The following DBH variants were observed in gnomAD, a reference collection of about 807,000 sequenced individuals.
The protein encoded by DBH is dopamine beta-hydroxylase (dopamine beta-monooxygenase).
DBH carries 49 observed loss-of-function variants against 64.0 expected under a neutral mutation model. The observed-to-expected ratio is 0.77, with a 90% CI of 0.61 to 0.97. The LOEUF (loss-of-function observed/expected upper bound fraction) is 0.97. Among genes scored for constraint, DBH ranks in the 50% least tolerant of loss-of-function variants. The pLI is 0.00. For synonymous variants in DBH, 343 were observed against 347.1 expected (o/e 0.99, Z 0.13); for missense variants, 828 against 826.6 (o/e 1.00, Z -0.02).
At chr9:133,641,450 G>T (rs1227676166) in intron 2 of DBH, among the ~76,000 whole-genome samples, 1 of 152,236 alleles carries the variant, frequency 6.6e-6, no homozygotes, top group Non-Finnish European at 1.5e-5. Flanking sequence ...AGGTATAGGG[G>T]CCTTTGCCTG....
At chr9:133,656,674 C>T in intron 10 of DBH, 24 bp downstream of exon 10, 1 of 1,609,858 alleles carries the variant, frequency 6.2e-7, no homozygotes, top group Non-Finnish European at 8.5e-7. Context: ...GCACAAGCTC[C>T]CTGCCCCCAG....
At chr9:133,658,231 AAGAGGTGGCTG>A in intron 11 of DBH, 74 bp from the exon 12 acceptor site, 1 of 1,566,124 alleles carries the variant, frequency 6.4e-7, no homozygotes, top group Non-Finnish European at 8.8e-7. Flanking sequence ...GCAAGAATCC[AAGAGGTGGCTG>A]GGAAGTGGCT....
chr9:133,658,159 A>G (rs916105522), intron 11 of DBH, among the ~76,000 whole-genome samples, 157 bp from the exon 12 acceptor site: 3 of 151,968 alleles, frequency 2.0e-5, no homozygotes, highest in Admixed American at 1.3e-4. Context: ...TGAGGTGAGG[A>G]CCCCCAAAAA....
At chr9:133,657,402 G>C (rs969181735) in intron 11 of DBH, 173 bp downstream of exon 11, 1 of 528,710 alleles carries the variant, frequency 1.9e-6, no homozygotes, top group Non-Finnish European at 3.3e-6. Context: ...AGCCAGCAGA[G>C]AGAGAGGAGA....
At chr9:133,652,374 CAG>C in intron 8 of DBH, 90 bp downstream of exon 8, 2 of 1,493,286 alleles carry the variant, frequency 1.3e-6, no homozygotes, top group Non-Finnish European at 1.8e-6. Flanking sequence ...GAGAGGGACA[CAG>C]AAAGTGATAG....
At chr9:133,644,527 C>T (rs1832159321) in intron 5 of DBH, among the ~76,000 whole-genome samples, 1 of 152,262 alleles carries the variant, frequency 6.6e-6, no homozygotes, top group African/African-American at 2.4e-5. Context: ...GGGCTCACTC[C>T]TCACAGCTTC....
chr9:133,650,145 C>A (rs1832226668), intron 6 of DBH, among the ~76,000 whole-genome samples: 1 of 152,154 alleles, frequency 6.6e-6, no homozygotes, highest in Non-Finnish European at 1.5e-5. Flanking sequence ...CCTTTGGGCT[C>A]CCAGGCCTGG....
chr9:133,657,500 GA>G (rs1832349545), intron 11 of DBH, among the ~76,000 whole-genome samples: 1 of 145,364 alleles, frequency 6.9e-6, no homozygotes, highest in African/African-American at 2.6e-5. Flanking sequence ...AGAGAGAGGA[GA>G]GAGAGAGAGA....
intron 9 of DBH, chr9:133,654,679 C>T (rs1205853012): frequency 6.6e-6 from 1 of 152,290 alleles, no homozygotes; most frequent in African/African-American, 2.4e-5. Context: ...CAGCACTGCT[C>T]TAATAACTCA....
chr9:133,636,404 C>G lies in DBH; in HGVS notation c.33C>G (p.Pro11=), dbSNP rs780246471. MPALSRWASL[P]GPSMREAAFM... ...CCCTCAGTCGCTGGGCCAGCCTGCC[C>G]GGCCCCAGCATGCGGGAGGCAGCCT... is the stretch of plus-strand genomic sequence containing the variant. Residue 11 remains proline (P), a synonymous_variant, in exon 1 of 12, where the codon CCC becomes CCG. Coordinates refer to ENST00000393056, the MANE Select transcript of DBH (RefSeq NM_000787.4). The G allele has an allele frequency of 6.2e-7, 1 of 1,611,598 alleles. No homozygotes were observed.
chr9:133,656,257 C>T (rs1299852767), intron 9 of DBH: 1 of 461,476 alleles, frequency 2.2e-6, no homozygotes, highest in South Asian at 2.1e-5. Flanking sequence ...CAATAACACC[C>T]CATCCGCTTG....
intron 6 of DBH, among the ~76,000 whole-genome samples, chr9:133,651,222 C>CT: frequency 6.6e-6 from 1 of 152,264 alleles, no homozygotes; most frequent in Non-Finnish European, 1.5e-5. Context: ...CTGCCACTTG[C>CT]TTTTCCCTGG....
At position 133,658,387 on chromosome 9, in the gene DBH, C is replaced by G. The variant is rs1481290140; in HGVS notation, c.1794C>G (p.Thr598=). 8.7e-6 allele frequency: 14 copies of G among 1,613,740 alleles called. No individual in the cohort carries two copies. Among genetic ancestry groups the G allele is most frequent in the Non-Finnish European group, 1.2e-5 (14 of 1,179,892 alleles). The change falls in exon 12 of 12, where the codon ACC becomes ACG. Residue 598 remains threonine, a synonymous_variant. Coordinates refer to ENST00000393056, the MANE Select transcript of DBH (RefSeq NM_000787.4). ...TLEEPTPQCP[T]SQGRSPAGPT... is the part of the protein sequence containing the mutation. The stretch of plus-strand genomic sequence containing the variant: ...AAGAGCCCACCCCACAGTGCCCCAC[C>G]AGCCAGGGCCGAAGCCCTGCTGGCC...
intron 2 of DBH, among the ~76,000 whole-genome samples, chr9:133,640,407 AC>A (rs1832104447): frequency 6.6e-6 from 1 of 150,632 alleles, no homozygotes; most frequent in Non-Finnish European, 1.5e-5. Context: ...GAGGCTCGGG[AC>A]AACTGCCCCC....
At chr9:133,638,662 G>T (rs1174968711) in intron 1 of DBH, among the ~76,000 whole-genome samples, 3 of 152,182 alleles carry the variant, frequency 2.0e-5, no homozygotes, top group Non-Finnish European at 4.4e-5. Context: ...GGCTTGGTGT[G>T]GGTCGGAATG....
Position 133,643,539 on chromosome 9 carries a change from C to A in DBH, c.871C>A (p.Arg291Ser), listed in dbSNP as rs140231674. 5 of 1,613,692 alleles carry A rather than the reference C, an allele frequency of 3.1e-6. No individual in the cohort carries two copies. The highest frequency in any genetic ancestry group is 4.2e-6 in the Non-Finnish European group (5 of 1,179,962). ...CTGCGACTCCAAGATGAAACCCGAC[C>A]GCCTCAACTACTGCCGCCACGTGCT... ...GPCDSKMKPD[R>S]LNYCRHVLAA... is the part of the protein sequence containing the mutation. The change falls in exon 4 of 12, where the codon CGC becomes AGC. Residue 291 changes from arginine (R) to serine (S), a missense_variant. Transcript: ENST00000393056. The surrounding 1 kb of genome is among the most constrained non-coding windows in gnomAD (Gnocchi z 5.3).
At position 133,650,486 on chromosome 9, in the gene DBH, CTTTCT is replaced by C. The variant is rs1189703275; in HGVS notation, c.1192-1140_1192-1136del. Among the ~76,000 whole-genome samples, 76 of 143,110 alleles carry C rather than the reference CTTTCT, an allele frequency of 5.3e-4. 1 individual carries two copies. The highest frequency in any genetic ancestry group is 1.8e-3 in the African/African-American group (65 of 36,980). 93.9% of individuals were successfully genotyped at this position (143,110 alleles called of 152,430 possible). ...TTTCTTTTTCTTTCTTTTTCTTTTT[CTTTCT>C]TTTCTTTCCTTTCTTTCTTTCCTTC... On this transcript the variant is annotated intron_variant, in intron 6 of 11. Transcript: ENST00000393056.
intron 5 of DBH, among the ~76,000 whole-genome samples, chr9:133,647,009 G>A (rs1436276584): frequency 1.3e-5 from 2 of 152,154 alleles, no homozygotes; most frequent in African/African-American, 4.8e-5. Flanking sequence ...CCTTGAGTGT[G>A]GGCTGAGGCT....
chr9:133,651,597 GGTC>G lies in DBH; in HGVS notation c.1192-36_1192-34del, dbSNP rs1832248791. The G allele has an allele frequency of 8.1e-6, 13 of 1,611,770 alleles. No homozygotes were observed. The Admixed American group carries it at 2.0e-4, about 25-fold the overall frequency. On this transcript the variant is annotated intron_variant, in intron 6 of 11. Transcript: ENST00000393056. Reference sequence around the variant, plus strand: ...CCATGGACGGGAGGGTCCCCTCGGGGGTCAGGCCCTGACACTGCAGCCCCCCGA... The same window carrying G: ...CCATGGACGGGAGGGTCCCCTCGGGGAGGCCCTGACACTGCAGCCCCCCGA...
Sources: allele counts gnomAD v4.1 joint callset (sites outside exome capture counted in the v4.1 genomes callset), GRCh38; gene constraint gnomAD v4.1.1; non-coding constraint Gnocchi (gnomAD v3.1); transcripts MANE v1.5; gene names NCBI Gene and HGNC (gene_info 2026-07-23, HGNC 2026-07-21).